The following CCDC169 variants were observed in gnomAD, a reference collection of about 807,000 sequenced individuals.
CCDC169 encodes the protein coiled-coil domain-containing protein 169.
Under a neutral mutation model 36.0 loss-of-function variants are expected in CCDC169, and 30 were observed. The observed-to-expected ratio is 0.83, with a 90% CI of 0.62 to 1.13. The LOEUF (loss-of-function observed/expected upper bound fraction) is 1.13. Among genes scored for constraint, CCDC169 ranks in the 50% most tolerant of loss-of-function variants. The probability of loss-of-function intolerance (pLI) is 0.00; values close to 1 mark genes in which losing one functional copy is unlikely to be tolerated. For synonymous variants in CCDC169, 85 were observed against 81.5 expected (o/e 1.04, Z -0.23); for missense variants, 245 against 245.9 (o/e 1.00, Z 0.03).
chr13:36,243,287 G>A (rs1872082962), intron 7 of CCDC169, among the ~76,000 whole-genome samples: 1 of 152,098 alleles, frequency 6.6e-6, no homozygotes, highest in South Asian at 2.1e-4. Flanking sequence ...ATCTTTTGAG[G>A]TCAGGAGTTC....
chr13:36,240,346 C>A (rs962696876), intron 7 of CCDC169, among the ~76,000 whole-genome samples: 10 of 151,970 alleles, frequency 6.6e-5, no homozygotes, highest in African/African-American at 2.4e-4. Context: ...CACAATTTTA[C>A]TAACCTATTT....
intron 4 of CCDC169, among the ~76,000 whole-genome samples, chr13:36,262,008 T>A (rs6563422): frequency 0.39 from 59,814 of 152,012 alleles, 12,846 homozygotes; most frequent in Non-Finnish European, 0.48. Context: ...GGGAAAACCA[T>A]TAAGAGGTGC....
chr13:36,284,490 T>A (rs913476077), intron 2 of CCDC169, among the ~76,000 whole-genome samples: 1 of 152,214 alleles, frequency 6.6e-6, no homozygotes, highest in African/African-American at 2.4e-5. Flanking sequence ...TGAAATCATA[T>A]CCTCTTAACT....
At position 36,256,098 on chromosome 13, in the gene CCDC169, G is replaced by C. The variant is rs1449263389; in HGVS notation, c.316-1955C>G. Reference sequence around the variant, plus strand: ...CTTGCAATTTCTTGGCTGGGCAGCTGTGCAGGTTGCTGATGGTCAGTGCTG... The same window carrying C: ...CTTGCAATTTCTTGGCTGGGCAGCTCTGCAGGTTGCTGATGGTCAGTGCTG... On this transcript the variant is annotated intron_variant, in intron 4 of 7. Coordinates refer to ENST00000239859, the MANE Select transcript of CCDC169 (RefSeq NM_001144981.3). 2.0e-5 allele frequency among the ~76,000 whole-genome samples: 3 copies of C among 152,226 alleles called. No homozygotes were observed. In the East Asian group the frequency reaches 5.8e-4, roughly 29 times the overall value.
intron 7 of CCDC169, among the ~76,000 whole-genome samples, chr13:36,237,156 T>C (rs958367150): frequency 6.6e-6 from 1 of 152,070 alleles, no homozygotes; most frequent in African/African-American, 2.4e-5. Flanking sequence ...TATGGAAGGC[T>C]ATCTGTATAG....
rs1233989842 is a variant in CCDC169 at position 36,248,702 on chromosome 13, G to A, written c.469-20C>T. 1.9e-6 allele frequency: 3 copies of A among 1,546,054 alleles called. No homozygotes were observed. Among genetic ancestry groups the A allele is most frequent in the South Asian group, 1.2e-5 (1 of 83,778 alleles). On this transcript the variant is annotated intron_variant, in intron 6 of 7. Transcript: ENST00000239859. ...AGAACCCTGAAATACAAAAATTTGA[G>A]TGTTTATCCCCTTGGTTCATAATTG...
intron 2 of CCDC169, among the ~76,000 whole-genome samples, chr13:36,292,951 G>C (rs985353717): frequency 6.6e-6 from 1 of 152,096 alleles, no homozygotes; most frequent in Non-Finnish European, 1.5e-5. Context: ...GAAACAAGAG[G>C]GAAGAGGATG....
At chr13:36,263,425 C>A (rs1286519266) in intron 4 of CCDC169, among the ~76,000 whole-genome samples, 1 of 152,138 alleles carries the variant, frequency 6.6e-6, no homozygotes, top group Non-Finnish European at 1.5e-5. Flanking sequence ...ATTTATATCT[C>A]CACAAAGCAA....
In CCDC169 at chr13:36,297,604, C is replaced by T; in HGVS notation, c.83+33G>A. The T allele has an allele frequency of 2.6e-6, 4 of 1,539,854 alleles. No homozygotes were observed. In the South Asian group the frequency reaches 3.6e-5, roughly 14 times the overall value. On this transcript the variant is annotated intron_variant, in intron 1 of 7. Coordinates refer to ENST00000239859, the MANE Select transcript of CCDC169 (RefSeq NM_001144981.3). ...CAGGTGAAGGCTCGGGGGGTGTGGA[C>T]GGGACCCCACACCGCGCCGCCCGCC...
At chr13:36,228,876 T>C (rs571453719), downstream of CCDC169, among the ~76,000 whole-genome samples, 31 of 152,316 alleles carry the variant, frequency 2.0e-4, no homozygotes, top group African/African-American at 7.5e-4. Flanking sequence ...GACAAAATTA[T>C]TTTCAGAGCT....
chr13:36,250,054 A>C (rs985407516), intron 6 of CCDC169, among the ~76,000 whole-genome samples: 26 of 152,194 alleles, frequency 1.7e-4, no homozygotes, highest in African/African-American at 5.8e-4. Flanking sequence ...TCTATCGGGG[A>C]AACAGCAAAA....
chr13:36,270,249 C>T (rs1470257050), intron 4 of CCDC169, among the ~76,000 whole-genome samples: 1 of 152,062 alleles, frequency 6.6e-6, no homozygotes, highest in Non-Finnish European at 1.5e-5. Context: ...AACTACAAAC[C>T]ACTGCTGAAA....
chr13:36,290,525 G>C (rs780157064), intron 2 of CCDC169, among the ~76,000 whole-genome samples: 3 of 151,896 alleles, frequency 2.0e-5, no homozygotes, highest in Non-Finnish European at 2.9e-5. Flanking sequence ...AGGGGCTATC[G>C]CAGAAGTGTA....
intron 2 of CCDC169, among the ~76,000 whole-genome samples, chr13:36,291,181 T>G (rs1385994280): frequency 3.9e-5 from 6 of 152,258 alleles, no homozygotes; most frequent in African/African-American, 1.2e-4. Flanking sequence ...AGAGATCACA[T>G]AAGACTGACA....
chr13:36,259,736 A>T (rs1448142401), intron 4 of CCDC169, among the ~76,000 whole-genome samples: 1 of 152,120 alleles, frequency 6.6e-6, no homozygotes, highest in Non-Finnish European at 1.5e-5. Flanking sequence ...CAGAGGCTGA[A>T]GTGAAGACTT....
chr13:36,228,096 T>C (rs1870044177), downstream of CCDC169, among the ~76,000 whole-genome samples: 1 of 152,222 alleles, frequency 6.6e-6, no homozygotes. Context: ...TTGTTTCGAC[T>C]TCTTGACTAT....
intron 4 of CCDC169, among the ~76,000 whole-genome samples, chr13:36,259,879 C>T (rs892183203): frequency 2.6e-5 from 4 of 152,218 alleles, no homozygotes; most frequent in Admixed American, 2.6e-4. Context: ...CAGGTGGTGG[C>T]CTCTCTGGCC....
intron 4 of CCDC169, chr13:36,281,100 T>C (rs1877471967): frequency 2.9e-6 from 1 of 348,158 alleles, no homozygotes; most frequent in South Asian, 2.3e-5. Flanking sequence ...TTTTTTTGAA[T>C]GATAACGTGA....
At chr13:36,259,789 C>T (rs986442675) in intron 4 of CCDC169, among the ~76,000 whole-genome samples, 4 of 152,236 alleles carry the variant, frequency 2.6e-5, no homozygotes, top group Non-Finnish European at 4.4e-5. Flanking sequence ...GGTTTAATTC[C>T]AAGAAGTCAG....
Sources: allele counts gnomAD v4.1 joint callset (sites outside exome capture counted in the v4.1 genomes callset), GRCh38; gene constraint gnomAD v4.1.1; transcripts MANE v1.5; gene names NCBI Gene and HGNC (gene_info 2026-07-23, HGNC 2026-07-21).